The following FKBP5 variants were observed in gnomAD, a reference collection of about 807,000 sequenced individuals.
FKBP5 encodes the protein peptidyl-prolyl cis-trans isomerase FKBP5.
FKBP5 carries 23 observed loss-of-function variants against 50.5 expected under a neutral mutation model. That is an observed-to-expected ratio of 0.46 (90% CI 0.33 to 0.65). The LOEUF (loss-of-function observed/expected upper bound fraction) is 0.65. FKBP5 is among the 30% of genes least tolerant of loss of function. The probability of loss-of-function intolerance (pLI) is 0.02; values close to 1 mark genes in which losing one functional copy is unlikely to be tolerated. For missense variants in FKBP5, 411 were observed against 553.1 expected, an observed-to-expected ratio of 0.74 and a Z score of 2.58; for synonymous variants, 176 against 190.6, an observed-to-expected ratio of 0.92 and a Z score of 0.63.
intron 5 of FKBP5, among the ~76,000 whole-genome samples, chr6:35,598,332 C>A (rs1561850714): frequency 6.6e-6 from 1 of 152,090 alleles, no homozygotes; most frequent in Admixed American, 6.5e-5. Context: ...AAACAATTCT[C>A]CTGTCTCAGC....
intron 5 of FKBP5, among the ~76,000 whole-genome samples, chr6:35,615,065 A>C (rs1190708476): frequency 6.6e-6 from 1 of 151,780 alleles, no homozygotes; most frequent in Non-Finnish European, 1.5e-5. Flanking sequence ...CGGAAGTTGC[A>C]GCGAGCTGAG....
At chr6:35,615,048 TGGGA>T (rs1157509890) in intron 5 of FKBP5, among the ~76,000 whole-genome samples, 1 of 151,426 alleles carries the variant, frequency 6.6e-6, no homozygotes, top group Non-Finnish European at 1.5e-5. Flanking sequence ...CACTTGAACC[TGGGA>T]GGCGGAAGTT....
At chr6:35,725,952 C>T (rs1766701769) in intron 1 of FKBP5, among the ~76,000 whole-genome samples, 1 of 152,190 alleles carries the variant, frequency 6.6e-6, no homozygotes, top group Non-Finnish European at 1.5e-5. Flanking sequence ...CTTTTGCAAC[C>T]ACAGGAAACC....
In FKBP5 at chr6:35,575,700, T is replaced by G; in HGVS notation, c.*135A>C. On this transcript the variant is annotated 3_prime_UTR_variant, in exon 11 of 11. Coordinates refer to ENST00000357266, the MANE Select transcript of FKBP5 (RefSeq NM_004117.4). ...AGGGGGGCTGTTTTTGGGAAGCTACTGGTTTTGCCATTTGCTTCCAGAATC... is the reference window on the plus strand; with the variant it reads ...AGGGGGGCTGTTTTTGGGAAGCTACGGGTTTTGCCATTTGCTTCCAGAATC... 1 of 711,280 alleles carries G rather than the reference T, an allele frequency of 1.4e-6. No homozygotes were observed. The highest frequency in any genetic ancestry group is 2.5e-6 in the Non-Finnish European group (1 of 402,838). The allele number at this position is 711,280 out of a possible 1,614,324, so 44.1% of individuals were successfully genotyped here.
chr6:35,717,907 A>T (rs1174399956), intron 2 of FKBP5, among the ~76,000 whole-genome samples: 1 of 152,214 alleles, frequency 6.6e-6, no homozygotes, highest in African/African-American at 2.4e-5. Context: ...CAGAAGGAAG[A>T]CATCAGTCTC....
At chr6:35,609,724 A>G (rs1241663256) in intron 5 of FKBP5, among the ~76,000 whole-genome samples, 1 of 152,026 alleles carries the variant, frequency 6.6e-6, no homozygotes, top group African/African-American at 2.4e-5. Flanking sequence ...GCTATCTTTC[A>G]GATCACCTGA....
At chr6:35,677,069 GT>G (rs924340039) in intron 1 of FKBP5, among the ~76,000 whole-genome samples, 9 of 152,112 alleles carry the variant, frequency 5.9e-5, no homozygotes, top group Non-Finnish European at 1.3e-4. Flanking sequence ...TTTTTGTTTT[GT>G]TTTGTTGTGT....
At chr6:35,629,415 CAT>C (rs1433326416) in intron 3 of FKBP5, among the ~76,000 whole-genome samples, 1 of 152,130 alleles carries the variant, frequency 6.6e-6, no homozygotes, top group East Asian at 1.9e-4. Flanking sequence ...TTAAAGTGTT[CAT>C]ATCTTATGTT....
chr6:35,700,667 A>G (rs886843313), intron 2 of FKBP5, among the ~76,000 whole-genome samples: 1 of 152,176 alleles, frequency 6.6e-6, no homozygotes, highest in African/African-American at 2.4e-5. Flanking sequence ...ACATTTAATA[A>G]ATAAAAAAGG....
At position 35,587,031 on chromosome 6, in the gene FKBP5, C is replaced by T. The variant is rs199713807; in HGVS notation, c.840+3G>A. 250 of 1,613,818 alleles carry T rather than the reference C, an allele frequency of 1.5e-4. 3 individuals carry two copies. Among genetic ancestry groups the T allele is most frequent in the South Asian group, 1.0e-3 (92 of 91,090 alleles). On this transcript the variant is annotated splice_donor_region_variant and intron_variant, in intron 8 of 10. Transcript: ENST00000357266. The stretch of plus-strand genomic sequence containing the variant: ...GGAAAGGATTGCATAGGGACTCACA[C>T]ACCTTGAAGTATACGGTTCCCTTCT...
At chr6:35,726,785 A>G (rs1766722431) in intron 1 of FKBP5, among the ~76,000 whole-genome samples, 1 of 152,186 alleles carries the variant, frequency 6.6e-6, no homozygotes, top group Non-Finnish European at 1.5e-5. Context: ...CCCAATATTT[A>G]TTGAACATGA....
chr6:35,625,756 T>A (rs190493428), intron 3 of FKBP5, among the ~76,000 whole-genome samples: 2 of 148,200 alleles, frequency 1.3e-5, no homozygotes, highest in African/African-American at 5.0e-5. Flanking sequence ...ACACCAAGAA[T>A]ACATAATGTC....
intron 3 of FKBP5, among the ~76,000 whole-genome samples, chr6:35,631,379 T>C (rs1003161035): frequency 6.6e-6 from 1 of 152,138 alleles, no homozygotes; most frequent in Non-Finnish European, 1.5e-5. Context: ...GGCAAAATTA[T>C]AGTAACAGAA....
chr6:35,719,167 T>C lies in FKBP5; in HGVS notation c.-20+1161A>G, dbSNP rs73729770. On this transcript the variant is annotated intron_variant, in intron 2 of 11. Coordinates refer to the FKBP5 transcript ENST00000536438. The stretch of plus-strand genomic sequence containing the variant: ...CCAATGATACCTTCATTTTTTCCAG[T>C]TCCAGTAACCCCTTTTTTGAGGCCT... Among the ~76,000 whole-genome samples, 501 of 152,382 alleles carry C rather than the reference T, an allele frequency of 3.3e-3. 1 individual carries two copies. The highest frequency in any genetic ancestry group is 7.0e-3 in the African/African-American group (293 of 41,598).
chr6:35,727,156 G>A lies in FKBP5; in HGVS notation c.-241+1352C>T, dbSNP rs140967114. Among the ~76,000 whole-genome samples, 150 of 152,312 alleles carry A rather than the reference G, an allele frequency of 9.8e-4. 1 individual carries two copies. In the East Asian group the frequency reaches 0.019, roughly 20 times the overall value. On this transcript the variant is annotated intron_variant, in intron 1 of 11. Coordinates refer to the FKBP5 transcript ENST00000536438. ...AAACTGTGGAGGTGGGAAGGAGGGA[G>A]AACAAAGGACTTCAGGACTGTGTCT...
At chr6:35,595,181 A>G (rs1308315190) in intron 6 of FKBP5, among the ~76,000 whole-genome samples, 1 of 152,214 alleles carries the variant, frequency 6.6e-6, no homozygotes, top group African/African-American at 2.4e-5. Context: ...ATGATACAAC[A>G]AACAGTTTAA....
At chr6:35,727,700 G>A (rs1406647019) in intron 1 of FKBP5, among the ~76,000 whole-genome samples, 1 of 152,252 alleles carries the variant, frequency 6.6e-6, no homozygotes, top group Non-Finnish European at 1.5e-5. Context: ...GGTCTCGCAA[G>A]TCTGGGGCTG....
rs1038810377 is a variant in FKBP5, at chr6:35,585,643, A to G, written c.840+1391T>C. Reference sequence around the variant, plus strand: ...TATACATAGTAAATAATGATAAATAACATATTTATATATTTATACTTATCT... The same window carrying G: ...TATACATAGTAAATAATGATAAATAGCATATTTATATATTTATACTTATCT... On this transcript the variant is annotated intron_variant, in intron 8 of 10. Transcript: ENST00000357266. The G allele has an allele frequency of 4.1e-5, 38 of 918,934 alleles. No homozygotes were observed. The African/African-American group carries it at 5.9e-4, about 14-fold the overall frequency. The allele number at this position is 918,934 out of a possible 1,614,324, so 56.9% of individuals were successfully genotyped here. A position where few individuals can be genotyped will look rare whatever the true frequency, so the allele number is the denominator to read the frequency against.
rs1405392223 is a variant in FKBP5 at position 35,684,101 on chromosome 6, C to T, written c.-20+4703G>A. Among the ~76,000 whole-genome samples, 5 of 151,784 alleles carry T rather than the reference C, an allele frequency of 3.3e-5. No homozygotes were observed. In the East Asian group the frequency reaches 9.6e-4, roughly 29 times the overall value. ...AAGAATTTGGACATTCCTTAGCTTT[C>T]ACAGATGTGTGACTGTTTACTTAAA... On this transcript the variant is annotated intron_variant, in intron 1 of 10. Coordinates refer to ENST00000357266, the MANE Select transcript of FKBP5 (RefSeq NM_004117.4).
Sources: gnomAD v4.1 joint callset for allele counts (sites outside exome capture counted in the v4.1 genomes callset) on GRCh38, gnomAD v4.1.1 for gene constraint, MANE v1.5 for transcripts, NCBI Gene and HGNC (gene_info 2026-07-23, HGNC 2026-07-21) for gene names.